The following PRH1 variants were observed in gnomAD, a reference collection of about 807,000 sequenced individuals.
The protein encoded by PRH1 is proline rich protein HaeIII subfamily 1.
In PRH1, 7 loss-of-function variants were observed where a neutral mutation model predicts 7.9. The observed-to-expected ratio is 0.89, with a 90% CI of 0.50 to 1.67. PRH1 has a LOEUF of 1.67. PRH1 is among the 40% of genes most tolerant of loss of function. The pLI, the probability that PRH1 is intolerant of heterozygous loss-of-function variation, is 0.00. For synonymous variants in PRH1, 45 were observed against 80.8 expected (o/e 0.56, Z 2.38); for missense variants, 109 against 223.6 (o/e 0.49, Z 3.27).
At chr12:10,996,481 CATATACGTGATACAA>C (rs1940242281) in intron 1 of PRH1, 1 of 152,244 alleles carries the variant, frequency 6.6e-6, no homozygotes, top group South Asian at 2.1e-4. Flanking sequence ...CACTATGGTA[CATATACGTGATACAA>C]ATTACAACGA....
chr12:10,987,692 G>A (rs1464316808), intron 1 of PRH1, among the ~76,000 whole-genome samples: 1 of 149,820 alleles, frequency 6.7e-6, no homozygotes, highest in African/African-American at 2.5e-5. Context: ...AGGGTTTTCA[G>A]ACCCCCCCCA....
At chr12:10,956,812 C>A (rs1937986885) in intron 2 of PRH1, among the ~76,000 whole-genome samples, 1 of 151,896 alleles carries the variant, frequency 6.6e-6, no homozygotes, top group African/African-American at 2.4e-5. Context: ...ATCCCTTTCA[C>A]AATAGTCCCA....
At chr12:10,885,693 T>C (rs1347329792), upstream of PRH1, among the ~76,000 whole-genome samples, 2 of 152,216 alleles carry the variant, frequency 1.3e-5, no homozygotes, top group Admixed American at 1.3e-4. Context: ...AATATACTAC[T>C]CAGAATCACC....
intron 2 of PRH1, among the ~76,000 whole-genome samples, chr12:10,905,136 T>C (rs1366913333): frequency 6.6e-6 from 1 of 151,878 alleles, no homozygotes; most frequent in African/African-American, 2.4e-5. Flanking sequence ...TCAAAGAACT[T>C]AAAATAAACT....
At position 11,107,312 on chromosome 12, in the gene PRH1, T is replaced by C. The variant is rs527738198; in HGVS notation, n.124-60124A>G. On this transcript the variant is annotated intron_variant and non_coding_transcript_variant, in intron 1 of 4. Transcript: ENST00000541977. The stretch of plus-strand genomic sequence containing the variant: ...AACCACACATGGCTGAGAACTTCCA[T>C]TTTTGGGCAGAATGCACAAGGTTCA... 2.0e-5 allele frequency among the ~76,000 whole-genome samples: 3 copies of C among 152,222 alleles called. No homozygotes were observed. The East Asian group carries it at 5.8e-4, about 29-fold the overall frequency.
At chr12:11,133,420 G>A (rs1348275089) in intron 1 of PRH1, 2 of 1,613,970 alleles carry the variant, frequency 1.2e-6, no homozygotes, top group South Asian at 2.2e-5. Context: ...GGATGAATGG[G>A]TGGGTTGAAG....
chr12:10,968,012 C>T (rs978511789), intron 2 of PRH1, among the ~76,000 whole-genome samples: 21 of 152,106 alleles, frequency 1.4e-4, no homozygotes, highest in African/African-American at 4.8e-4. Flanking sequence ...ACCCAAGAGG[C>T]GGAGGTTGCA....
upstream of PRH1, among the ~76,000 whole-genome samples, chr12:11,051,098 T>G (rs200695858): frequency 7.5e-6 from 1 of 133,292 alleles, no homozygotes. Context: ...GCAGAAAAAC[T>G]TAAGTGATAT....
In PRH1 at chr12:11,077,798, T is replaced by C. The variant is rs1944345317; in HGVS notation, n.124-30610A>G. 9.7e-6 allele frequency: 11 copies of C among 1,135,206 alleles called. 2 individuals carry two copies. The highest frequency in any genetic ancestry group is 3.0e-5 in the African/African-American group (2 of 67,562). 70.3% of individuals were successfully genotyped at this position (1,135,206 alleles called of 1,614,324 possible). A position where few individuals can be genotyped will look rare whatever the true frequency, so the allele number is the denominator to read the frequency against. ...TCTTTTGTCCACACACTGTCATCCATGGTTATCACAGCAAGATTACAAATC... is the reference window on the plus strand; with the variant it reads ...TCTTTTGTCCACACACTGTCATCCACGGTTATCACAGCAAGATTACAAATC... On this transcript the variant is annotated intron_variant and non_coding_transcript_variant, in intron 1 of 4. Coordinates refer to the PRH1 transcript ENST00000541977.
Position 10,964,554 on chromosome 12 carries a change from T to A in PRH1, c.-59+9101A>T, listed in dbSNP as rs1938409092. 7 of 314,262 alleles carry A rather than the reference T, an allele frequency of 2.2e-5. No individual in the cohort carries two copies. The South Asian group carries it at 3.6e-4, about 16-fold the overall frequency. 19.5% of individuals were successfully genotyped at this position (314,262 alleles called of 1,614,324 possible). ...AATGAAGGGTATATAATTGCAGTAG[T>A]TTGGCTGAGCATGAGGACAGGTTCG... On this transcript the variant is annotated intron_variant, in intron 2 of 3. Transcript: ENST00000539853.
intron 1 of PRH1, among the ~76,000 whole-genome samples, chr12:10,992,980 G>C (rs1028424710): frequency 1.3e-5 from 2 of 152,202 alleles, no homozygotes; most frequent in Non-Finnish European, 2.9e-5. Flanking sequence ...CCAAGGAATA[G>C]AATTGGTCAC....
At chr12:11,138,553 T>C (rs2597918) in intron 1 of PRH1, among the ~76,000 whole-genome samples, 69,143 of 151,950 alleles carry the variant, frequency 0.46, 16,526 homozygotes, top group Non-Finnish European at 0.53. Context: ...ATATGTAATA[T>C]CCATCTTACT....
chr12:11,084,339 T>C (rs1334417577), intron 1 of PRH1, among the ~76,000 whole-genome samples: 1 of 151,672 alleles, frequency 6.6e-6, no homozygotes, highest in African/African-American at 2.4e-5. Context: ...TATAGTATAC[T>C]ATTGTACAAG....
intron 1 of PRH1, among the ~76,000 whole-genome samples, chr12:11,054,718 T>G (rs1413247433): frequency 6.6e-6 from 1 of 152,078 alleles, no homozygotes; most frequent in African/African-American, 2.4e-5. Context: ...CTCTTTGAAA[T>G]GTTATCATAA....
intron 2 of PRH1, among the ~76,000 whole-genome samples, chr12:10,958,174 ATAG>A (rs1295069055): frequency 6.6e-6 from 1 of 152,190 alleles, no homozygotes; most frequent in Non-Finnish European, 1.5e-5. Context: ...CTGCCCATAA[ATAG>A]TAGACTGGAT....
intron 2 of PRH1, among the ~76,000 whole-genome samples, chr12:10,960,943 T>C (rs1417944089): frequency 6.6e-6 from 1 of 152,202 alleles, no homozygotes; most frequent in African/African-American, 2.4e-5. Flanking sequence ...TATTGGGATT[T>C]TGGAGTCAAC....
At chr12:11,028,325 T>C (rs1942018011) in intron 1 of PRH1, among the ~76,000 whole-genome samples, 2 of 152,208 alleles carry the variant, frequency 1.3e-5, no homozygotes, top group Non-Finnish European at 2.9e-5. Flanking sequence ...AGCTGTGGTT[T>C]CCCCTTGTAG....
chr12:11,131,820 G>A, intron 1 of PRH1, among the ~76,000 whole-genome samples: 1 of 152,218 alleles, frequency 6.6e-6, no homozygotes, highest in East Asian at 1.9e-4. Context: ...TCATGCAACT[G>A]CAGATTTTGT....
chr12:11,087,455 G>A lies in PRH1; in HGVS notation n.124-40267C>T, dbSNP rs1392222354. Among the ~76,000 whole-genome samples the A allele has an allele frequency of 7.1e-4, 83 of 116,506 alleles. 18 individuals carry two copies. The highest frequency in any genetic ancestry group is 2.2e-3 in the African/African-American group (78 of 34,762). 76.4% of individuals were successfully genotyped at this position (116,506 alleles called of 152,430 possible). On this transcript the variant is annotated intron_variant and non_coding_transcript_variant, in intron 1 of 4. Transcript: ENST00000541977. ...AGCTTTGGCTCATGTCCATCCCAAG[G>A]TGGAGCTAATCAGTTTGTAGTTATT...
Sources: gnomAD v4.1 joint callset for allele counts (sites outside exome capture counted in the v4.1 genomes callset) on GRCh38, gnomAD v4.1.1 for gene constraint, MANE v1.5 for transcripts, NCBI Gene and HGNC (gene_info 2026-07-23, HGNC 2026-07-21) for gene names.